HNF4G: variants seen among roughly 807,000 people sequenced by gnomAD.
HNF4G encodes hepatocyte nuclear factor 4-gamma.
A neutral mutation model predicts 50.9 loss-of-function variants in HNF4G; 21 were observed. The observed-to-expected ratio is 0.41, with a 90% CI of 0.29 to 0.59. The LOEUF is 0.59. Ranked by LOEUF, HNF4G falls within the 20% of genes least tolerant of loss-of-function variation. The probability of loss-of-function intolerance (pLI) is 0.26; values close to 1 mark genes in which losing one functional copy is unlikely to be tolerated. For synonymous variants in HNF4G, 198 were observed against 185.6 expected, an observed-to-expected ratio of 1.07 and a Z score of -0.54; for missense variants, 527 against 559.4, an observed-to-expected ratio of 0.94 and a Z score of 0.58.
chr8:75,492,040 C>CTTT (rs1812644964), intron 2 of HNF4G, among the ~76,000 whole-genome samples: 1 of 152,216 alleles, frequency 6.6e-6, no homozygotes, highest in South Asian at 2.1e-4. Context: ...TTGTAGACTG[C>CTTT]TTTGTGCCAG....
chr8:75,549,705 C>G (rs969955904), intron 3 of HNF4G, among the ~76,000 whole-genome samples: 3 of 151,718 alleles, frequency 2.0e-5, no homozygotes, highest in Non-Finnish European at 2.9e-5. Flanking sequence ...GTGTGCTGCA[C>G]CCATTAACTC....
At chr8:75,506,354 A>T (rs1289853514) in intron 2 of HNF4G, among the ~76,000 whole-genome samples, 1 of 152,144 alleles carries the variant, frequency 6.6e-6, no homozygotes, top group Non-Finnish European at 1.5e-5. Flanking sequence ...ATTAAATACT[A>T]GATTTAATAA....
At chr8:75,512,974 T>G (rs1805797005) in intron 2 of HNF4G, among the ~76,000 whole-genome samples, 1 of 152,224 alleles carries the variant, frequency 6.6e-6, no homozygotes, top group Non-Finnish European at 1.5e-5. Context: ...AACACAATTT[T>G]ATTATAAAAC....
At chr8:75,487,346 T>C (rs1812522519) in intron 1 of HNF4G, among the ~76,000 whole-genome samples, 1 of 152,204 alleles carries the variant, frequency 6.6e-6, no homozygotes, top group Non-Finnish European at 1.5e-5. Context: ...GACACATATT[T>C]GATCTTTTAT....
At chr8:75,546,896 T>G (rs1355624323) in intron 2 of HNF4G, among the ~76,000 whole-genome samples, 1 of 152,192 alleles carries the variant, frequency 6.6e-6, no homozygotes, top group African/African-American at 2.4e-5. Context: ...TAGCATGGCA[T>G]CGCTGGGTTA....
chr8:75,511,857 CG>C (rs1442405702), intron 2 of HNF4G, among the ~76,000 whole-genome samples: 27 of 152,328 alleles, frequency 1.8e-4, no homozygotes, highest in Admixed American at 1.7e-3. Context: ...GGATTACAGG[CG>C]TGAGCCACCA....
At chr8:75,485,181 GTTC>G (rs1351679467) in intron 1 of HNF4G, among the ~76,000 whole-genome samples, 2 of 152,076 alleles carry the variant, frequency 1.3e-5, no homozygotes, top group Non-Finnish European at 2.9e-5. Context: ...AATTGCACTG[GTTC>G]TTATTTTTTT....
chr8:75,458,931 T>C (rs1309729044), intron 1 of HNF4G, among the ~76,000 whole-genome samples: 1 of 152,200 alleles, frequency 6.6e-6, no homozygotes, highest in Non-Finnish European at 1.5e-5. Flanking sequence ...ATAATGTACA[T>C]TTTTAAAGGT....
intron 1 of HNF4G, among the ~76,000 whole-genome samples, chr8:75,474,886 C>T (rs534975707): frequency 4.3e-4 from 66 of 152,020 alleles, no homozygotes; most frequent in Non-Finnish European, 8.2e-4. Context: ...TTAGTAGATA[C>T]GAGGTGTCAC....
chr8:75,437,502 C>T (rs1245379278), intron 1 of HNF4G, among the ~76,000 whole-genome samples: 1 of 152,044 alleles, frequency 6.6e-6, no homozygotes, highest in African/African-American at 2.4e-5. Context: ...GGGCAAGGGG[C>T]CTTAAACTAT....
At chr8:75,511,784 G>C (rs1223044855) in intron 2 of HNF4G, among the ~76,000 whole-genome samples, 1 of 152,050 alleles carries the variant, frequency 6.6e-6, no homozygotes, top group Non-Finnish European at 1.5e-5. Context: ...TAGAGACGGG[G>C]TTTCACCGTG....
At chr8:75,483,388 C>G (rs1436587446) in intron 1 of HNF4G, among the ~76,000 whole-genome samples, 1 of 152,034 alleles carries the variant, frequency 6.6e-6, no homozygotes, top group African/African-American at 2.4e-5. Flanking sequence ...TTCTCTTTAA[C>G]AGGGCTATTA....
intron 1 of HNF4G, among the ~76,000 whole-genome samples, chr8:75,428,630 AG>A (rs993635005): frequency 1.2e-4 from 18 of 152,324 alleles, no homozygotes; most frequent in African/African-American, 2.9e-4. Context: ...TAGAAAACAA[AG>A]GAAAAAAAGA....
chr8:75,516,395 A>T (rs1378702279), intron 2 of HNF4G, among the ~76,000 whole-genome samples: 1 of 151,692 alleles, frequency 6.6e-6, no homozygotes, highest in Non-Finnish European at 1.5e-5. Flanking sequence ...TCTTTTTATT[A>T]TTTCTAGTTT....
intron 1 of HNF4G, among the ~76,000 whole-genome samples, chr8:75,431,893 T>A (rs998399383): frequency 6.6e-6 from 1 of 150,582 alleles, no homozygotes; most frequent in Non-Finnish European, 1.5e-5. Flanking sequence ...ACCATTGCAC[T>A]CCAGCCTGGG....
At chr8:75,449,667 A>C (rs377518982) in intron 1 of HNF4G, among the ~76,000 whole-genome samples, 113 of 151,556 alleles carry the variant, frequency 7.5e-4, no homozygotes, top group East Asian at 4.5e-3. Context: ...CCACCACGCC[A>C]GGCTAATTTT....
chr8:75,465,045 A>G (rs998836161), intron 1 of HNF4G, among the ~76,000 whole-genome samples: 1 of 152,180 alleles, frequency 6.6e-6, no homozygotes, highest in African/African-American at 2.4e-5. Flanking sequence ...ATCCTTCAAT[A>G]GAGGGAGTAG....
At chr8:75,519,839 C>T (rs1051130816) in intron 2 of HNF4G, among the ~76,000 whole-genome samples, 1 of 149,816 alleles carries the variant, frequency 6.7e-6, no homozygotes, top group African/African-American at 2.5e-5. Context: ...TGCATGTGAG[C>T]GTGTGTGTGT....
intron 1 of HNF4G, among the ~76,000 whole-genome samples, chr8:75,489,194 T>C (rs974574416): frequency 6.6e-6 from 1 of 152,220 alleles, no homozygotes; most frequent in Non-Finnish European, 1.5e-5. Flanking sequence ...AAATTTTACC[T>C]GAGTGCTTCT....
Sources: gnomAD v4.1 joint callset for allele counts (sites outside exome capture counted in the v4.1 genomes callset) on GRCh38, gnomAD v4.1.1 for gene constraint, MANE v1.5 for transcripts, NCBI Gene and HGNC (gene_info 2026-07-23, HGNC 2026-07-21) for gene names.